The following NCKAP5 variants were observed in gnomAD, a reference collection of about 807,000 sequenced individuals.
The protein encoded by NCKAP5 is nck-associated protein 5.
In NCKAP5, 92 loss-of-function variants were observed where a neutral mutation model predicts 167.0. The observed-to-expected ratio is 0.55, with a 90% CI of 0.47 to 0.66. The LOEUF (loss-of-function observed/expected upper bound fraction) is 0.66, where lower values mean the gene tolerates loss of function less well. Among genes scored for constraint, NCKAP5 ranks in the 30% least tolerant of loss-of-function variants. The pLI is 0.00. For missense variants in NCKAP5, 2,378 were observed against 2,315.0 expected (o/e 1.03, Z -0.56); for synonymous variants, 891 against 877.4 (o/e 1.02, Z -0.27).
At chr2:133,638,783 C>T in the NCKAP5 span, among the ~76,000 whole-genome samples, 4 of 149,914 alleles carry the variant, frequency 2.7e-5, no homozygotes, top group East Asian at 7.9e-4. Context: ...TGCTTGAACC[C>T]AGGGGCAGAA....
chr2:132,700,931 G>GGA (rs1491496325), intron 19 of NCKAP5, among the ~76,000 whole-genome samples: 7 of 19,428 alleles, frequency 3.6e-4, no homozygotes, highest in Admixed American at 3.0e-3. Context: ...TCCCCTGGGC[G>GGA]GGGGGGGGGG....
At chr2:132,754,862 T>C (rs567245973) in intron 16 of NCKAP5, among the ~76,000 whole-genome samples, 1 of 152,228 alleles carries the variant, frequency 6.6e-6, no homozygotes, top group Admixed American at 6.5e-5. Flanking sequence ...ATTAGAGTGA[T>C]TCAGTCTTCA....
chr2:133,599,850 A>G, the NCKAP5 span, among the ~76,000 whole-genome samples: 1 of 152,224 alleles, frequency 6.6e-6, no homozygotes, highest in Non-Finnish European at 1.5e-5. Context: ...AGAAATCAGG[A>G]TGGGAGAGGG....
rs1864446 is a variant in NCKAP5, at chr2:133,327,772, G to T, written c.70-24662C>A. ...CTTGGATTTTTTATAAGACAGTAGC[G>T]ACATTAATACCTGCAGGGCTCCTCA... On this transcript the variant is annotated intron_variant, in intron 3 of 19. Coordinates refer to ENST00000409261, the MANE Select transcript of NCKAP5 (RefSeq NM_207363.3). 3.9e-5 allele frequency among the ~76,000 whole-genome samples: 6 copies of T among 151,958 alleles called. No individual in the cohort carries two copies. In the East Asian group the frequency reaches 1.2e-3, roughly 29 times the overall value.
At chr2:132,790,338 T>C (rs956775773) in intron 12 of NCKAP5, 133 bp from the exon 13 acceptor site, 4 of 773,916 alleles carry the variant, frequency 5.2e-6, no homozygotes, top group Non-Finnish European at 8.1e-6. Context: ...GATAAACCCA[T>C]GGTAACTGGA....
At chr2:133,200,201 G>A (rs1280403527) in intron 5 of NCKAP5, among the ~76,000 whole-genome samples, 1 of 150,574 alleles carries the variant, frequency 6.6e-6, no homozygotes, top group Non-Finnish European at 1.5e-5. Flanking sequence ...CAATTCTAAA[G>A]TTTACTATAG....
intron 3 of NCKAP5, among the ~76,000 whole-genome samples, chr2:133,362,661 T>C (rs1211680870): frequency 1.3e-5 from 2 of 152,114 alleles, no homozygotes; most frequent in Admixed American, 6.5e-5. Context: ...TAAGATAAAC[T>C]CCCATTCATA....
intron 8 of NCKAP5, among the ~76,000 whole-genome samples, chr2:132,905,389 C>T (rs1309300510): frequency 2.6e-5 from 4 of 152,208 alleles, no homozygotes; most frequent in African/African-American, 4.8e-5. Flanking sequence ...TATGATATGG[C>T]GAGCCAGCAT....
At chr2:133,637,691 A>ATAAAAT in the NCKAP5 span, among the ~76,000 whole-genome samples, 1 of 152,122 alleles carries the variant, frequency 6.6e-6, no homozygotes, top group South Asian at 2.1e-4. Flanking sequence ...TTAAAAGTTC[A>ATAAAAT]TAAAATGTAG....
At chr2:132,895,256 G>A (rs1017663219) in intron 8 of NCKAP5, among the ~76,000 whole-genome samples, 5 of 151,284 alleles carry the variant, frequency 3.3e-5, no homozygotes, top group African/African-American at 9.7e-5. Context: ...GCGTGAACCC[G>A]GGAGGCGGAG....
chr2:132,889,544 CA>C (rs1041954517), intron 8 of NCKAP5, among the ~76,000 whole-genome samples: 7 of 147,606 alleles, frequency 4.7e-5, no homozygotes, highest in East Asian at 2.0e-4. Flanking sequence ...AGGATCAGAA[CA>C]AAAAAAAAAT....
chr2:133,405,870 G>A (rs186845844), intron 3 of NCKAP5, among the ~76,000 whole-genome samples: 6 of 152,306 alleles, frequency 3.9e-5, no homozygotes, highest in East Asian at 1.9e-4. Flanking sequence ...GCCAGATGCC[G>A]TAGGCACTCA....
At chr2:132,750,689 G>C (rs1168068408) in intron 16 of NCKAP5, among the ~76,000 whole-genome samples, 2 of 152,204 alleles carry the variant, frequency 1.3e-5, no homozygotes, top group Non-Finnish European at 2.9e-5. Context: ...CATTTTGTTT[G>C]TGAGCAGAGT....
chr2:132,813,047 C>T (rs749986744), intron 11 of NCKAP5, among the ~76,000 whole-genome samples: 7 of 152,146 alleles, frequency 4.6e-5, no homozygotes, highest in African/African-American at 7.2e-5. Context: ...GGGGAAGAGA[C>T]AAACATTCAG....
chr2:133,222,833 T>C (rs955844142), intron 4 of NCKAP5, among the ~76,000 whole-genome samples: 2 of 152,236 alleles, frequency 1.3e-5, no homozygotes, highest in Non-Finnish European at 2.9e-5. Flanking sequence ...TAGCAATGAA[T>C]ATATATTTAG....
chr2:132,804,564 A>G (rs982613845), intron 11 of NCKAP5, among the ~76,000 whole-genome samples: 8 of 147,978 alleles, frequency 5.4e-5, no homozygotes, highest in Non-Finnish European at 1.0e-4. Context: ...GTTAGTGGAG[A>G]AAAAAAAACC....
intron 3 of NCKAP5, among the ~76,000 whole-genome samples, chr2:133,474,151 TCTATACACAC>T (rs1559511758): frequency 7.6e-6 from 1 of 131,164 alleles, no homozygotes; most frequent in African/African-American, 3.9e-5. Context: ...TATCTATCTA[TCTATACACAC>T]ACACACACAC....
At chr2:133,413,866 T>C (rs1455247747) in intron 3 of NCKAP5, among the ~76,000 whole-genome samples, 1 of 152,204 alleles carries the variant, frequency 6.6e-6, no homozygotes, top group Non-Finnish European at 1.5e-5. Flanking sequence ...CTGGTCCCAA[T>C]GGACATTAGA....
intron 3 of NCKAP5, among the ~76,000 whole-genome samples, chr2:133,343,954 G>A (rs746868283): frequency 5.3e-5 from 8 of 152,190 alleles, no homozygotes; most frequent in Non-Finnish European, 1.0e-4. Context: ...ACTCTCTGGA[G>A]CAGTATGAGC....
Sources: gnomAD v4.1 joint callset for allele counts (sites outside exome capture counted in the v4.1 genomes callset) on GRCh38, gnomAD v4.1.1 for gene constraint, MANE v1.5 for transcripts, NCBI Gene and HGNC (gene_info 2026-07-23, HGNC 2026-07-21) for gene names.